The following SCAMP3 variants were observed in gnomAD, a reference collection of about 807,000 sequenced individuals.
SCAMP3 encodes secretory carrier membrane protein 3.
SCAMP3 carries 30 observed loss-of-function variants against 44.1 expected under a neutral mutation model. The ratio of observed to expected loss-of-function variants is 0.68; its 90% CI spans 0.51 to 0.92. The LOEUF is 0.92. SCAMP3 is among the 40% of genes least tolerant of loss of function. The pLI, the probability that SCAMP3 is intolerant of heterozygous loss-of-function variation, is 0.00. For missense variants in SCAMP3, 394 were observed against 440.0 expected, an observed-to-expected ratio of 0.90 and a Z score of 0.93; for synonymous variants, 168 against 171.1, an observed-to-expected ratio of 0.98 and a Z score of 0.14.
rs544834910 is a variant in SCAMP3, at chr1:155,256,691, T to G, written c.880A>C (p.Ile294Leu). ...LLFTGIAVLG[I>L]VMLKRIHSLY... ...GCCCTCACCCGTTTCAGCATGACAATTCCTAGCACAGCAATGCCAGTGAAG... is the reference window on the plus strand; with the variant it reads ...GCCCTCACCCGTTTCAGCATGACAAGTCCTAGCACAGCAATGCCAGTGAAG... The change falls in exon 8 of 9, where the codon ATT becomes CTT. Residue 294 changes from isoleucine to leucine, a missense_variant. By Grantham distance (5) the Ile-to-Leu change is conservative. Coordinates refer to ENST00000302631, the MANE Select transcript of SCAMP3 (RefSeq NM_005698.4). 7 of 1,614,026 alleles carry G rather than the reference T, an allele frequency of 4.3e-6. No homozygotes were observed. The African/African-American group carries it at 9.3e-5, about 22-fold the overall frequency.
rs189417759 is a variant in SCAMP3, at chr1:155,256,571, A to G, written c.897+103T>C. The G allele has an allele frequency of 1.9e-4, 253 of 1,364,828 alleles. No individual in the cohort carries two copies. In the East Asian group the frequency reaches 5.6e-3, roughly 30 times the overall value. 84.5% of individuals were successfully genotyped at this position (1,364,828 alleles called of 1,614,324 possible). On this transcript the variant is annotated intron_variant, in intron 8 of 8. Coordinates refer to ENST00000302631, the MANE Select transcript of SCAMP3 (RefSeq NM_005698.4). Reference sequence around the variant, plus strand: ...CCCAGAGGTCCATTAGCTGAGAACAACCCAGCAGCCTGACCTGTGCCAGTT... The same window carrying G: ...CCCAGAGGTCCATTAGCTGAGAACAGCCCAGCAGCCTGACCTGTGCCAGTT...
chr1:155,261,535 G>A (rs2148124048), intron 2 of SCAMP3, 122 bp downstream of exon 2: 1 of 892,726 alleles, frequency 1.1e-6, no homozygotes, highest in South Asian at 1.4e-5. Flanking sequence ...CTCTCTCAGG[G>A]AACTAAGATC....
chr1:155,256,157 G>T lies in SCAMP3; in HGVS notation c.*116C>A. 4.7e-6 allele frequency: 5 copies of T among 1,066,968 alleles called. No individual in the cohort carries two copies. The highest frequency in any genetic ancestry group is 1.7e-5 in the South Asian group (1 of 59,200). 66.1% of individuals were successfully genotyped at this position (1,066,968 alleles called of 1,614,324 possible). The stretch of plus-strand genomic sequence containing the variant: ...GTTCAGCAGTCATGGCCATAGGATT[G>T]GGAGCACTACGGAGGAGCCATCAGT... On this transcript the variant is annotated 3_prime_UTR_variant, in exon 9 of 9. Coordinates refer to ENST00000302631, the MANE Select transcript of SCAMP3 (RefSeq NM_005698.4).
At chr1:155,260,180 G>C (rs1187451308) in intron 4 of SCAMP3, 150 bp downstream of exon 4, 2 of 888,022 alleles carry the variant, frequency 2.3e-6, no homozygotes, top group South Asian at 1.6e-5. Flanking sequence ...GGATGGTCTC[G>C]ATCTCTTGAC....
Position 155,262,010 on chromosome 1 carries a change from T to A in SCAMP3, c.66+76A>T, listed in dbSNP as rs955527449. The A allele has an allele frequency of 3.1e-5, 44 of 1,423,864 alleles. 2 individuals carry two copies. The Admixed American group carries it at 7.8e-4, about 25-fold the overall frequency. The allele number at this position is 1,423,864 out of a possible 1,614,324, so 88.2% of individuals were successfully genotyped here. On this transcript the variant is annotated intron_variant, in intron 1 of 8. Coordinates refer to ENST00000302631, the MANE Select transcript of SCAMP3 (RefSeq NM_005698.4). ...CAGGATCAAATGTCACAAATGGGGA[T>A]ACAAGTTAGCCCGACCCTACAGAAC...
At chr1:155,256,582 T>G in intron 8 of SCAMP3, 92 bp downstream of exon 8, 1 of 1,379,740 alleles carries the variant, frequency 7.2e-7, no homozygotes, top group Non-Finnish European at 1.0e-6. Flanking sequence ...CCCAGCAGCC[T>G]GACCTGTGCC....
At chr1:155,258,011 A>AT (rs61012301) in intron 5 of SCAMP3, among the ~76,000 whole-genome samples, 10 of 139,560 alleles carry the variant, frequency 7.2e-5, no homozygotes, top group South Asian at 2.2e-4. Context: ...CGCCCAGCTA[A>AT]TTTTTTTTTT....
rs1161880341 is a variant in SCAMP3 at position 155,257,377 on chromosome 1, A to G, written c.687T>C (p.Ser229=). ...AGAAGAAAACGAAGAAATTGAATGA[A>G]CTGTCACTCCTACAAAGAGGAAAAA... ...RPMYKAFRSD[S]SFNFFVFFFI... is the part of the protein sequence containing the mutation. Residue 229 remains serine (S), a synonymous_variant, in exon 7 of 9, where the codon AGT becomes AGC. Transcript: ENST00000302631. 1 of 1,613,360 alleles carries G rather than the reference A, an allele frequency of 6.2e-7. No homozygotes were observed. The highest frequency in any genetic ancestry group is 8.5e-7 in the Non-Finnish European group (1 of 1,179,594).
chr1:155,260,220 A>C (rs1023580273), intron 4 of SCAMP3, 110 bp downstream of exon 4: 2 of 1,347,356 alleles, frequency 1.5e-6, no homozygotes, highest in African/African-American at 2.9e-5. Flanking sequence ...AGCCTCCCAA[A>C]GTGCTGGGAT....
Position 155,257,654 on chromosome 1 carries a change from C to G in SCAMP3, c.521G>C (p.Ser174Thr), listed in dbSNP as rs1353641023. Reference protein sequence around the residue: ...VSTMYYLWMCSTLALLLNFLA... With the variant: ...VSTMYYLWMCTTLALLLNFLA... ...GAAGTTCAGGAGAAGAGCCAGCGTGCTGCCTAAGGGGCAGAGGGACAGGAT... is the reference window on the plus strand; with the variant it reads ...GAAGTTCAGGAGAAGAGCCAGCGTGGTGCCTAAGGGGCAGAGGGACAGGAT... Residue 174 changes from serine to threonine, a missense_variant, in exon 6 of 9, where the codon AGC (serine) becomes ACC (threonine). Coordinates refer to ENST00000302631, the MANE Select transcript of SCAMP3 (RefSeq NM_005698.4). The G allele has an allele frequency of 6.4e-7, 1 of 1,556,720 alleles. No individual in the cohort carries two copies. The highest frequency in any genetic ancestry group is 2.4e-5 in the East Asian group (1 of 41,592).
intron 5 of SCAMP3, among the ~76,000 whole-genome samples, 197 bp downstream of exon 5, chr1:155,258,629 C>T (rs1672869330): frequency 6.6e-6 from 1 of 152,088 alleles, no homozygotes; most frequent in African/African-American, 2.4e-5. Context: ...TACCACTGCA[C>T]CCAGCCCAAA....
intron 6 of SCAMP3, 34 bp from the exon 7 acceptor site, chr1:155,257,420 A>G: frequency 6.2e-7 from 1 of 1,608,216 alleles, no homozygotes; most frequent in South Asian, 1.1e-5. Flanking sequence ...AGGGTGGGAG[A>G]AGAATTAGAG....
chr1:155,256,664 C>T lies in SCAMP3; in HGVS notation c.897+10G>A, dbSNP rs757053764. 6.5e-5 allele frequency: 104 copies of T among 1,611,162 alleles called. No individual in the cohort carries two copies. The highest frequency in any genetic ancestry group is 5.6e-5 in the Non-Finnish European group (66 of 1,177,330). ...CACCATCCCGGCCCCACCTTCGACACAGCCCTCACCCGTTTCAGCATGACA... is the reference window on the plus strand; with the variant it reads ...CACCATCCCGGCCCCACCTTCGACATAGCCCTCACCCGTTTCAGCATGACA... On this transcript the variant is annotated intron_variant, in intron 8 of 8. Coordinates refer to ENST00000302631, the MANE Select transcript of SCAMP3 (RefSeq NM_005698.4).
At chr1:155,261,847 G>C in intron 1 of SCAMP3, 113 bp from the exon 2 acceptor site, 2 of 1,013,804 alleles carry the variant, frequency 2.0e-6, no homozygotes, top group Non-Finnish European at 3.1e-6. Flanking sequence ...GGGCCACGCC[G>C]TTGTCCCAGG....
intron 2 of SCAMP3, among the ~76,000 whole-genome samples, chr1:155,261,005 G>A (rs146955287): frequency 1.7e-3 from 262 of 151,320 alleles, no homozygotes; most frequent in African/African-American, 6.1e-3. Context: ...ATCACTCATC[G>A]AAGCCTCAAA....
chr1:155,262,123 G>A lies in SCAMP3; in HGVS notation c.29C>T (p.Pro10Leu), dbSNP rs759585343. 6.2e-7 allele frequency: 1 copy of A among 1,614,070 alleles called. No individual in the cohort carries two copies. Among genetic ancestry groups the A allele is most frequent in the Non-Finnish European group, 8.5e-7 (1 of 1,180,012 alleles). MAQSRDGGN[P>L]FAEPSELDNP... ...GTCAAGCTCGCTGGGCTCGGCGAACGGGTTTCCGCCGTCTCTGCTCTGAGC... is the reference window on the plus strand; with the variant it reads ...GTCAAGCTCGCTGGGCTCGGCGAACAGGTTTCCGCCGTCTCTGCTCTGAGC... The change falls in exon 1 of 9, where the codon CCG becomes CTG. Residue 10 changes from proline (P) to leucine (L), a missense_variant. Physicochemically the swap from Pro to Leu is moderately conservative, Grantham distance 98. Coordinates refer to ENST00000302631, the MANE Select transcript of SCAMP3 (RefSeq NM_005698.4).
rs1168383797 is a variant in SCAMP3, at chr1:155,260,675, C to T, written c.145-16G>A. 1.9e-6 allele frequency: 3 copies of T among 1,594,250 alleles called. No individual in the cohort carries two copies. The highest frequency in any genetic ancestry group is 2.7e-5 in the African/African-American group (2 of 74,310). On this transcript the variant is annotated splice_polypyrimidine_tract_variant and intron_variant, in intron 2 of 8. Coordinates refer to ENST00000302631, the MANE Select transcript of SCAMP3 (RefSeq NM_005698.4). ...CTGGTGGTGGCTGTTGAGGAAAAGACCTTAGTGATCATCTAGTCCCTCATA... is the reference window on the plus strand; with the variant it reads ...CTGGTGGTGGCTGTTGAGGAAAAGATCTTAGTGATCATCTAGTCCCTCATA...
At position 155,262,303 on chromosome 1, in the gene SCAMP3, G is replaced by GCCC; in HGVS notation, c.-153_-152insGGG. 3 of 679,580 alleles carry GCCC rather than the reference G, an allele frequency of 4.4e-6. No homozygotes were observed. The highest frequency in any genetic ancestry group is 7.3e-6 in the Non-Finnish European group (3 of 411,670). The allele number at this position is 679,580 out of a possible 1,614,324, so 42.1% of individuals were successfully genotyped here. On this transcript the variant is annotated 5_prime_UTR_variant, in exon 1 of 9. It adds an upstream start codon to the 5' untranslated region. Transcript: ENST00000302631. Reference sequence around the variant, plus strand: ...TTCCACCGACCGGAAGGGCCACAAGGATCCCCGCAGCAGCCGTGGGTTGCG... The same window carrying GCCC: ...TTCCACCGACCGGAAGGGCCACAAGGCCCATCCCCGCAGCAGCCGTGGGTTGCG...
rs149415891 is a variant in SCAMP3, at chr1:155,260,421, C to T, written c.297G>A (p.Leu99=). 5.6e-6 allele frequency: 9 copies of T among 1,613,990 alleles called. No homozygotes were observed. The African/African-American group carries it at 1.1e-4, about 19-fold the overall frequency. ...GGTTGAGCTCCTCCTGTTTCTTCAG[C>T]AGCTCAGCTGTGGCTGCTGCAGCTG... is the stretch of plus-strand genomic sequence containing the variant. The part of the protein sequence containing the change: ...QASAAAATAE[L]LKKQEELNRK... The change falls in exon 4 of 9, where the codon CTG becomes CTA. Residue 99 remains leucine, a synonymous_variant. Transcript: ENST00000302631.
Sources: gnomAD v4.1 joint callset for allele counts (sites outside exome capture counted in the v4.1 genomes callset) on GRCh38, gnomAD v4.1.1 for gene constraint, MANE v1.5 for transcripts, NCBI Gene and HGNC (gene_info 2026-07-23, HGNC 2026-07-21) for gene names.